Variants in BAZ2A observed in about 807,000 individuals in gnomAD.
The protein encoded by BAZ2A is bromodomain adjacent to zinc finger domain 2A, also known as bromodomain adjacent to zinc finger domain protein 2A.
A neutral mutation model predicts 199.9 loss-of-function variants in BAZ2A; 34 were observed. That is an observed-to-expected ratio of 0.17 (90% CI 0.13 to 0.23). The LOEUF (loss-of-function observed/expected upper bound fraction) is 0.23. Ranked by LOEUF, BAZ2A falls within the 10% of genes least tolerant of loss-of-function variation. The pLI is 1.00. For missense variants in BAZ2A, 2,002 were observed against 2,391.1 expected, an observed-to-expected ratio of 0.84 and a Z score of 3.39; for synonymous variants, 857 against 883.9, an observed-to-expected ratio of 0.97 and a Z score of 0.54.
At chr12:56,613,616 A>C (rs1950629090) in intron 4 of BAZ2A, among the ~76,000 whole-genome samples, 1 of 152,246 alleles carries the variant, frequency 6.6e-6, no homozygotes, top group African/African-American at 2.4e-5. Context: ...TCAGTGGAGT[A>C]AAAGGTAACT....
rs762340479 is a variant in BAZ2A, at chr12:56,602,784, C to T, written c.3353G>A (p.Arg1118His). 1.2e-6 allele frequency: 2 copies of T among 1,613,786 alleles called. No individual in the cohort carries two copies. The highest frequency in any genetic ancestry group is 3.3e-5 in the Admixed American group (2 of 59,988). Residue 1118 changes from arginine (R) to histidine (H), a missense_variant, in exon 19 of 29, where the codon CGC becomes CAC. This residue lies in a region of BAZ2A where 1,081 missense variants were observed against 1,274.7 expected (regional missense o/e 0.85). Transcript: ENST00000549884. ...CAATACCCAGTAGCGACGTCTGTAGCGGTCCTGACCCAGGGAGACCGCCCG... is the reference window on the plus strand; with the variant it reads ...CAATACCCAGTAGCGACGTCTGTAGTGGTCCTGACCCAGGGAGACCGCCCG... ...MLRAVSLGQDRYRRRYWVLPY... is the reference protein window; with the variant it reads ...MLRAVSLGQDHYRRRYWVLPY...
Position 56,605,920 on chromosome 12 carries a change from T to G in BAZ2A, c.2403A>C (p.Thr801=), listed in dbSNP as rs1323408504. 1 of 1,575,762 alleles carries G rather than the reference T, an allele frequency of 6.3e-7. No individual in the cohort carries two copies. Among genetic ancestry groups the G allele is most frequent in the Admixed American group, 1.9e-5 (1 of 53,634 alleles). The change falls in exon 13 of 29, where the codon ACA becomes ACC. Residue 801 remains threonine (T), a synonymous_variant. Coordinates refer to ENST00000549884, the MANE Select transcript of BAZ2A (RefSeq NM_001300905.2). ...PACKADKTLA[T]QRRLEERQRQ... The stretch of plus-strand genomic sequence containing the variant: ...TCTGCCGTTCCTCCAAGCGCCTCTG[T>G]GTGGCCAGGGTCTTATCTGCTTTAC...
chr12:56,625,308 A>C (rs1279115837), intron 1 of BAZ2A, among the ~76,000 whole-genome samples: 1 of 151,420 alleles, frequency 6.6e-6, no homozygotes, highest in Non-Finnish European at 1.5e-5. Flanking sequence ...GGCGCCCACC[A>C]TCACACCCGG....
chr12:56,613,054 G>A lies in BAZ2A; in HGVS notation c.1096C>T (p.Pro366Ser). The stretch of plus-strand genomic sequence containing the variant: ...TCCCCTAGGACAGGTGGAGAGGTGG[G>A]ACTGGCAAAGATAGAGGTTGATGTT... ...SQTSTSIFAS[P>S]TSPPVLGESV... is the part of the protein sequence containing the mutation. The change falls in exon 5 of 29, where the codon CCC (proline) becomes TCC (serine). Residue 366 changes from proline (P) to serine (S), a missense_variant. This residue lies in a region of BAZ2A where 641 missense variants were observed against 694.5 expected (regional missense o/e 0.92). Coordinates refer to ENST00000549884, the MANE Select transcript of BAZ2A (RefSeq NM_001300905.2). The A allele has an allele frequency of 1.2e-6, 2 of 1,613,842 alleles. No individual in the cohort carries two copies. Among genetic ancestry groups the A allele is most frequent in the Non-Finnish European group, 1.7e-6 (2 of 1,179,880 alleles).
At chr12:56,625,367 G>T (rs551967581) in intron 1 of BAZ2A, among the ~76,000 whole-genome samples, 5 of 151,742 alleles carry the variant, frequency 3.3e-5, no homozygotes, top group Non-Finnish European at 7.4e-5. Flanking sequence ...TGTTGGTCAG[G>T]CTGGTCTTGA....
intron 7 of BAZ2A, chr12:56,611,288 G>A: frequency 1.9e-6 from 1 of 514,020 alleles, no homozygotes; most frequent in Non-Finnish European, 3.5e-6. Context: ...TGGTTTGGAT[G>A]TGAGCCCTAG....
intron 19 of BAZ2A, 149 bp downstream of exon 19, chr12:56,602,564 G>A (rs1592560422): frequency 3.8e-6 from 4 of 1,048,438 alleles, no homozygotes; most frequent in South Asian, 3.5e-5. Flanking sequence ...CAGAGCAGGT[G>A]GGTAGGCAGC....
In BAZ2A at chr12:56,609,717, G is replaced by A. The variant is rs915597504; in HGVS notation, c.2092+19C>T. 22 of 1,608,794 alleles carry A rather than the reference G, an allele frequency of 1.4e-5. No homozygotes were observed. Among genetic ancestry groups the A allele is most frequent in the Non-Finnish European group, 1.8e-5 (21 of 1,176,432 alleles). On this transcript the variant is annotated intron_variant, in intron 10 of 28. Coordinates refer to ENST00000549884, the MANE Select transcript of BAZ2A (RefSeq NM_001300905.2). The stretch of plus-strand genomic sequence containing the variant: ...CTCATGGAGGGAGCAGAATCCCAAA[G>A]TAAGAAATACCACTGTACCTTGGGC...
chr12:56,626,131 A>C (rs1951091112), intron 1 of BAZ2A, among the ~76,000 whole-genome samples: 1 of 152,180 alleles, frequency 6.6e-6, no homozygotes, highest in Non-Finnish European at 1.5e-5. Context: ...CAGACTGATA[A>C]TAACAAGCTG....
Position 56,601,302 on chromosome 12 carries a change from T to C in BAZ2A, c.4172A>G (p.Glu1391Gly). 1 of 1,613,994 alleles carries C rather than the reference T, an allele frequency of 6.2e-7. No individual in the cohort carries two copies. Residue 1391 changes from glutamate to glycine, a missense_variant, in exon 21 of 29, where the codon GAA becomes GGA. By Grantham distance (98) the Glu-to-Gly change is moderately conservative (BLOSUM62 -2). Around this residue, in one of 6 missense-constraint regions of BAZ2A, gnomAD observed 1,081 missense variants for 1,274.7 expected, o/e 0.85. Coordinates refer to ENST00000549884, the MANE Select transcript of BAZ2A (RefSeq NM_001300905.2). ...CAGCCCTGTGGGACTCTGTGGCATTTCTCCAGGGTCTCCTGCTCGCCTCTT... is the reference window on the plus strand; with the variant it reads ...CAGCCCTGTGGGACTCTGTGGCATTCCTCCAGGGTCTCCTGCTCGCCTCTT... ...APKRRAGDPGEMPQSPTGLGQ... is the reference protein window; with the variant it reads ...APKRRAGDPGGMPQSPTGLGQ...
rs538895121 is a variant in BAZ2A, at chr12:56,612,115, T to C, written c.1267A>G (p.Thr423Ala). 39 of 1,613,656 alleles carry C rather than the reference T, an allele frequency of 2.4e-5. No individual in the cohort carries two copies. In the South Asian group the frequency reaches 4.1e-4, roughly 17 times the overall value. ...QSSTIQLHPA[T>A]SPAVSPTTSP... ...GTTGTTGGCGAGACTGCTGGTGAGG[T>C]TGCTGGATGTAGCTGAATAGTGGAT... The change falls in exon 6 of 29, where the codon ACC becomes GCC. Residue 423 changes from threonine (T) to alanine (A), a missense_variant. By Grantham distance (58) the Thr-to-Ala change is moderately conservative (BLOSUM62 0). Transcript: ENST00000549884.
chr12:56,603,434 T>G lies in BAZ2A; in HGVS notation c.3220-16A>C. The G allele has an allele frequency of 6.2e-7, 1 of 1,613,970 alleles. No homozygotes were observed. Among genetic ancestry groups the G allele is most frequent in the Non-Finnish European group, 8.5e-7 (1 of 1,179,860 alleles). On this transcript the variant is annotated splice_polypyrimidine_tract_variant and intron_variant, in intron 17 of 28. Coordinates refer to ENST00000549884, the MANE Select transcript of BAZ2A (RefSeq NM_001300905.2). The stretch of plus-strand genomic sequence containing the variant: ...TGGCATCAACCTAGGGAGAAACACA[T>G]GGGCATTATGAAAAAGGAGGTTATC...
In BAZ2A at chr12:56,602,081, G is replaced by A. The variant is rs1450331459; in HGVS notation, c.3536C>T (p.Thr1179Ile). Residue 1179 changes from threonine to isoleucine, a missense_variant, in exon 20 of 29, where the codon ACT becomes ATT. This residue lies in a region of BAZ2A where 1,081 missense variants were observed against 1,274.7 expected (regional missense o/e 0.85). Coordinates refer to ENST00000549884, the MANE Select transcript of BAZ2A (RefSeq NM_001300905.2). Reference sequence around the variant, plus strand: ...TCGGGCCCGGGCAGGAGAACTGGCAGTGGTGTTGGAGCCAGCTAACTCCAT... The same window carrying A: ...TCGGGCCCGGGCAGGAGAACTGGCAATGGTGTTGGAGCCAGCTAACTCCAT... ...MKMELAGSNT[T>I]ASSPARARGR... 3.2e-6 allele frequency: 5 copies of A among 1,575,566 alleles called. No homozygotes were observed. The Admixed American group carries it at 9.3e-5, about 29-fold the overall frequency.
intron 1 of BAZ2A, among the ~76,000 whole-genome samples, chr12:56,618,480 C>A (rs142688471): frequency 6.6e-6 from 1 of 152,008 alleles, no homozygotes; most frequent in African/African-American, 2.4e-5. Flanking sequence ...CAAGCAGAAG[C>A]CAGAATTATT....
intron 8 of BAZ2A, 63 bp from the exon 9 acceptor site, chr12:56,610,278 A>C: frequency 6.3e-7 from 1 of 1,593,960 alleles, no homozygotes; most frequent in Non-Finnish European, 8.6e-7. Context: ...TGGCCAGCAA[A>C]GGCATAAGCA....
chr12:56,617,525 C>T lies in BAZ2A; in HGVS notation c.6G>A (p.Glu2=), dbSNP rs772397901. The part of the protein sequence containing the change: M[E]ANDHFNFTGL... ...CAGTAAAGTTAAAATGGTCGTTTGC[C>T]TCCATTTCTGCAGGAGGGGAGAGAG... Residue 2 remains glutamate (E), a synonymous_variant, in exon 2 of 29, where the codon GAG becomes GAA. Transcript: ENST00000549884. 1 of 1,606,776 alleles carries T rather than the reference C, an allele frequency of 6.2e-7. No homozygotes were observed.
rs1286824586 is a variant in BAZ2A, at chr12:56,604,794, T to C, written c.2754A>G (p.Leu918=). ...CAGACACCTTCTCCCCCAAGATCTT[T>C]AGGGACTGTGTGGAGGACAGCATAA... The part of the protein sequence containing the change: ...DPGFPSYCQS[L]KILGEKVSEI... Residue 918 remains leucine (L), a synonymous_variant, in exon 15 of 29, where the codon CTA becomes CTG. Transcript: ENST00000549884. 1 of 1,612,414 alleles carries C rather than the reference T, an allele frequency of 6.2e-7. No individual in the cohort carries two copies. Among genetic ancestry groups the C allele is most frequent in the Non-Finnish European group, 8.5e-7 (1 of 1,179,074 alleles).
At chr12:56,604,853 T>C in intron 14 of BAZ2A, 54 bp from the exon 15 acceptor site, 1 of 1,556,938 alleles carries the variant, frequency 6.4e-7, no homozygotes, top group Non-Finnish European at 8.8e-7. Context: ...ACAACCAAGT[T>C]GGGTGAATGT....
chr12:56,615,435 G>A lies in BAZ2A; in HGVS notation c.309C>T (p.Ser103=). ...AGAGAAGGGGTGGGTCCTTGAGGTT[G>A]CTGCCAGGATTGGCAGATGGGTACT... ...YSQYPSANPG[S]NLKDPPLLSQ... The change falls in exon 3 of 29, where the codon AGC becomes AGT. Residue 103 remains serine (S), a synonymous_variant. Transcript: ENST00000549884. 6.2e-7 allele frequency: 1 copy of A among 1,613,416 alleles called. No individual in the cohort carries two copies. The highest frequency in any genetic ancestry group is 8.5e-7 in the Non-Finnish European group (1 of 1,179,848).
Sources: gnomAD v4.1 joint callset for allele counts (sites outside exome capture counted in the v4.1 genomes callset) on GRCh38, gnomAD v4.1.1 for gene constraint, gnomAD v4.1.1 regional missense constraint, MANE v1.5 for transcripts, NCBI Gene and HGNC (gene_info 2026-07-23, HGNC 2026-07-21) for gene names.